The following C12orf56 variants were observed in gnomAD, a reference collection of about 807,000 sequenced individuals.
C12orf56 encodes the protein uncharacterized protein C12orf56.
C12orf56 carries 71 observed loss-of-function variants against 69.9 expected under a neutral mutation model. The ratio of observed to expected loss-of-function variants is 1.02; its 90% CI spans 0.84 to 1.24. The LOEUF (loss-of-function observed/expected upper bound fraction) is 1.24, where lower values mean the gene tolerates loss of function less well. Among genes scored for constraint, C12orf56 ranks in the 50% most tolerant of loss-of-function variants. The pLI is 0.00. For missense variants in C12orf56, 732 were observed against 738.5 expected (o/e 0.99, Z 0.10); for synonymous variants, 276 against 274.1 (o/e 1.01, Z -0.07).
intron 2 of C12orf56, among the ~76,000 whole-genome samples, chr12:64,341,581 A>G (rs2039074991): frequency 6.6e-6 from 1 of 152,208 alleles, no homozygotes; most frequent in Non-Finnish European, 1.5e-5. Flanking sequence ...TGCCTTGGTC[A>G]GAGGCAATGC....
At chr12:64,320,553 A>G (rs1244595502) in intron 3 of C12orf56, among the ~76,000 whole-genome samples, 2 of 152,098 alleles carry the variant, frequency 1.3e-5, no homozygotes, top group Non-Finnish European at 2.9e-5. Flanking sequence ...TTCAGAATCA[A>G]TGCTGTGTCC....
intron 2 of C12orf56, among the ~76,000 whole-genome samples, chr12:64,346,688 A>G (rs187262063): frequency 6.6e-6 from 1 of 152,110 alleles, no homozygotes; most frequent in Admixed American, 6.5e-5. Flanking sequence ...CTCTAATCAC[A>G]TGATTGGTTC....
intron 1 of C12orf56, among the ~76,000 whole-genome samples, chr12:64,386,719 T>C (rs2039795899): frequency 6.6e-6 from 1 of 151,854 alleles, no homozygotes; most frequent in Non-Finnish European, 1.5e-5. Flanking sequence ...TTAGTAGAGA[T>C]GGGTCTTCAC....
chr12:64,362,649 G>A (rs2039414268), intron 1 of C12orf56, among the ~76,000 whole-genome samples: 1 of 152,014 alleles, frequency 6.6e-6, no homozygotes, highest in Admixed American at 6.6e-5. Context: ...CCAAGATTGC[G>A]CCATTGCACT....
intron 3 of C12orf56, among the ~76,000 whole-genome samples, chr12:64,322,700 CA>C: frequency 6.6e-6 from 1 of 152,246 alleles, no homozygotes; most frequent in East Asian, 1.9e-4. Context: ...TCATTAGGCC[CA>C]AAACATGGCA....
intron 4 of C12orf56, among the ~76,000 whole-genome samples, chr12:64,315,418 C>A (rs2038679180): frequency 6.6e-6 from 1 of 150,694 alleles, no homozygotes. Context: ...TAGCAGCTAT[C>A]TTCACAATGT....
chr12:64,318,233 G>A (rs1393107369), intron 4 of C12orf56, among the ~76,000 whole-genome samples: 2 of 151,996 alleles, frequency 1.3e-5, no homozygotes, highest in Admixed American at 6.6e-5. Flanking sequence ...GCTAATTTTT[G>A]TATTTTTTAG....
intron 12 of C12orf56, among the ~76,000 whole-genome samples, chr12:64,270,211 C>T (rs1409452704): frequency 6.6e-6 from 1 of 151,918 alleles, no homozygotes; most frequent in African/African-American, 2.4e-5. Flanking sequence ...GCCTGACCAA[C>T]ATGGTGAAAC....
At position 64,278,553 on chromosome 12, in the gene C12orf56, A is replaced by T. The variant is rs565902829; in HGVS notation, c.1311-750T>A. On this transcript the variant is annotated intron_variant, in intron 8 of 12. Transcript: ENST00000543942. ...CTGTAGAATGTGTACATATTTTATA[A>T]ATCAAGCGAATTGACGTATGCATCA... Among the ~76,000 whole-genome samples the T allele has an allele frequency of 9.8e-5, 15 of 152,322 alleles. No individual in the cohort carries two copies. In the South Asian group the frequency reaches 1.7e-3, roughly 17 times the overall value.
intron 3 of C12orf56, among the ~76,000 whole-genome samples, chr12:64,321,646 T>C (rs2038775307): frequency 6.6e-6 from 1 of 152,086 alleles, no homozygotes; most frequent in African/African-American, 2.4e-5. Flanking sequence ...AGCCTACAAT[T>C]TCTTAAGTGG....
chr12:64,390,434 G>A lies in C12orf56; in HGVS notation c.132C>T (p.Asn44=), dbSNP rs1419119300. ...RAYEPCIVVS[N]SENHILKYVV... ...CATACTTGAGGATGTGGTTCTCAGA[G>A]TTGGACACCACGATGCATGGCTCGT... is the stretch of plus-strand genomic sequence containing the variant. The change falls in exon 1 of 13, where the codon AAC becomes AAT. Residue 44 remains asparagine, a synonymous_variant. Transcript: ENST00000543942. The A allele has an allele frequency of 6.2e-7, 1 of 1,612,348 alleles. No individual in the cohort carries two copies. The highest frequency in any genetic ancestry group is 2.2e-5 in the East Asian group (1 of 44,862).
chr12:64,292,555 A>G (rs2038300262), intron 6 of C12orf56, among the ~76,000 whole-genome samples: 1 of 16,272 alleles, frequency 6.1e-5, no homozygotes, highest in African/African-American at 8.7e-5. Context: ...TCTGTTTGTT[A>G]GTTTTCCTTC....
At chr12:64,267,537 A>G in intron 12 of C12orf56, 1 of 473,186 alleles carries the variant, frequency 2.1e-6, no homozygotes, top group South Asian at 2.6e-5. Flanking sequence ...GACTGTCCTC[A>G]CCACAGTATG....
chr12:64,274,615 C>A (rs533318098), intron 11 of C12orf56, among the ~76,000 whole-genome samples: 1 of 152,104 alleles, frequency 6.6e-6, no homozygotes, highest in South Asian at 2.1e-4. Flanking sequence ...TATCTTTTTA[C>A]CTAATTATAC....
At chr12:64,354,156 C>A (rs11175353) in intron 1 of C12orf56, among the ~76,000 whole-genome samples, 18,275 of 152,216 alleles carry the variant, frequency 0.12, 1,252 homozygotes, top group East Asian at 0.34. Flanking sequence ...TTCTCTCCAA[C>A]GTGCTCTGTT....
rs1336068266 is a variant in C12orf56 at position 64,390,451 on chromosome 12, A to G, written c.115T>C (p.Cys39Arg). Residue 39 changes from cysteine (C) to arginine (R), a missense_variant, in exon 1 of 13, where the codon TGC becomes CGC. By Grantham distance (180) the Cys-to-Arg change is radical (BLOSUM62 -3). Transcript: ENST00000543942. ...TTCTCAGAGTTGGACACCACGATGC[A>G]TGGCTCGTAGGCGCGGACCGCGTCG... Reference protein sequence around the residue: ...VYDAVRAYEPCIVVSNSENHI... With the variant: ...VYDAVRAYEPRIVVSNSENHI... The G allele has an allele frequency of 6.2e-7, 1 of 1,610,610 alleles. No homozygotes were observed. Among genetic ancestry groups the G allele is most frequent in the Non-Finnish European group, 8.5e-7 (1 of 1,179,692 alleles).
At chr12:64,277,441 A>G (rs2038065953) in intron 9 of C12orf56, among the ~76,000 whole-genome samples, 1 of 152,132 alleles carries the variant, frequency 6.6e-6, no homozygotes, top group Non-Finnish European at 1.5e-5. Flanking sequence ...CTTAAGACAT[A>G]TAAAAGGGAT....
chr12:64,331,746 TGACTAGATCTTG>T (rs1429467356), intron 2 of C12orf56, among the ~76,000 whole-genome samples: 2 of 152,110 alleles, frequency 1.3e-5, no homozygotes, highest in Non-Finnish European at 2.9e-5. Flanking sequence ...AGTCTGCTGA[TGACTAGATCTTG>T]GACTTCCAGC....
intron 5 of C12orf56, among the ~76,000 whole-genome samples, chr12:64,310,847 T>G (rs2038599425): frequency 6.6e-6 from 1 of 152,102 alleles, no homozygotes; most frequent in Non-Finnish European, 1.5e-5. Flanking sequence ...TAGGTATATT[T>G]CCTAATGCTA....
Sources: gnomAD v4.1 joint callset for allele counts (sites outside exome capture counted in the v4.1 genomes callset) on GRCh38, gnomAD v4.1.1 for gene constraint, MANE v1.5 for transcripts, NCBI Gene and HGNC (gene_info 2026-07-23, HGNC 2026-07-21) for gene names.